Variants in HID1 observed in about 807,000 individuals in gnomAD.
HID1 encodes the protein HID1 domain containing, also known as protein HID1.
HID1 carries 42 observed loss-of-function variants against 89.7 expected under a neutral mutation model. That is an observed-to-expected ratio of 0.47 (90% CI 0.37 to 0.61). The LOEUF is 0.61. HID1 is among the 20% of genes least tolerant of loss of function. The probability of loss-of-function intolerance (pLI) is 0.00; values close to 1 mark genes in which losing one functional copy is unlikely to be tolerated. For missense variants in HID1, 854 were observed against 1,039.3 expected, an observed-to-expected ratio of 0.82 and a Z score of 2.45; for synonymous variants, 442 against 433.8, an observed-to-expected ratio of 1.02 and a Z score of -0.24.
In HID1 at chr17:74,972,492, G is replaced by A. The variant is rs924141819; in HGVS notation, c.66+99C>T. 13 of 1,139,778 alleles carry A rather than the reference G, an allele frequency of 1.1e-5. No individual in the cohort carries two copies. Among genetic ancestry groups the A allele is most frequent in the African/African-American group, 1.6e-5 (1 of 62,454 alleles). 70.6% of individuals were successfully genotyped at this position (1,139,778 alleles called of 1,614,324 possible). ...TTGGCGTTACGCTCGGGGCCCGCCC[G>A]TCCCCCCATCTCCCGACGAGCCAAG... On this transcript the variant is annotated intron_variant, in intron 1 of 18. Transcript: ENST00000425042. This position sits in a 1 kb window ranked among gnomAD's most constrained non-coding sequence, Gnocchi z 6.4.
intron 6 of HID1, among the ~76,000 whole-genome samples, chr17:74,960,671 T>C (rs2039465456): frequency 6.6e-6 from 1 of 152,220 alleles, no homozygotes; most frequent in Non-Finnish European, 1.5e-5. Flanking sequence ...GTTTGCCTGA[T>C]AAGGCTGGTG....
chr17:74,957,233 G>A, intron 12 of HID1, among the ~76,000 whole-genome samples: 1 of 152,100 alleles, frequency 6.6e-6, no homozygotes, highest in South Asian at 2.1e-4. Context: ...CAGCGCTTTG[G>A]GAGGCCAAGG....
At chr17:74,956,122 G>A (rs756049415) in intron 12 of HID1, among the ~76,000 whole-genome samples, 166 bp from the exon 13 acceptor site, 45 of 152,164 alleles carry the variant, frequency 3.0e-4, no homozygotes, top group Non-Finnish European at 5.4e-4. Flanking sequence ...GCCATACTGT[G>A]TGCAGAGTCC....
chr17:74,953,478 T>C (rs992298362), intron 15 of HID1, 67 bp downstream of exon 15: 3 of 1,346,610 alleles, frequency 2.2e-6, no homozygotes, highest in Non-Finnish European at 3.2e-6. Context: ...GCCCAGCCCC[T>C]ACTGCAGAGA....
Position 74,958,921 on chromosome 17 carries a change from T to A in HID1, c.1139A>T (p.Asp380Val). 1 of 1,592,352 alleles carries A rather than the reference T, an allele frequency of 6.3e-7. No homozygotes were observed. Among genetic ancestry groups the A allele is most frequent in the Non-Finnish European group, 8.5e-7 (1 of 1,171,680 alleles). The change falls in exon 9 of 19, where the codon GAC (aspartate) becomes GTC (valine). Residue 380 changes from aspartate (D) to valine (V), a missense_variant. Coordinates refer to ENST00000425042, the MANE Select transcript of HID1 (RefSeq NM_030630.3). This position sits in a 1 kb window ranked among gnomAD's most constrained non-coding sequence, Gnocchi z 5.2. ...TCGAGGCTGGCCCACCTTGTTGAAG[T>A]CGCAGAGCTTCCAGAAGAGAACTAG... is the stretch of plus-strand genomic sequence containing the variant. ...ELLVLFWKLC[D>V]FNKKFLFFVL...
At chr17:74,954,529 G>T in intron 13 of HID1, 164 bp from the exon 14 acceptor site, 1 of 1,250,074 alleles carries the variant, frequency 8.0e-7, no homozygotes, top group Non-Finnish European at 1.1e-6. Flanking sequence ...GGGCAGGGCT[G>T]GCACTGGCTG....
intron 1 of HID1, among the ~76,000 whole-genome samples, chr17:74,971,192 C>G (rs757649913): frequency 2.0e-5 from 3 of 152,182 alleles, no homozygotes; most frequent in Non-Finnish European, 2.9e-5. Flanking sequence ...AATCCTCCAA[C>G]AAGGAGTTTC....
In HID1 at chr17:74,962,224, C is replaced by G; in HGVS notation, c.611+10G>C. 6.3e-7 allele frequency: 1 copy of G among 1,596,188 alleles called. No individual in the cohort carries two copies. Among genetic ancestry groups the G allele is most frequent in the Admixed American group, 1.7e-5 (1 of 59,346 alleles). Reference sequence around the variant, plus strand: ...CTGCATTGAGGGCTCCGGGCCTGGGCGAAGCTCACCGGTTCATATCGTGGA... The same window carrying G: ...CTGCATTGAGGGCTCCGGGCCTGGGGGAAGCTCACCGGTTCATATCGTGGA... On this transcript the variant is annotated intron_variant, in intron 5 of 18. Transcript: ENST00000425042. This position sits in a 1 kb window ranked among gnomAD's most constrained non-coding sequence, Gnocchi z 4.3.
Position 74,962,925 on chromosome 17 carries a change from G to A in HID1, c.504+40C>T, listed in dbSNP as rs752924752. 2.0e-6 allele frequency: 3 copies of A among 1,465,140 alleles called. No individual in the cohort carries two copies. The highest frequency in any genetic ancestry group is 1.4e-5 in the African/African-American group (1 of 71,716). 90.8% of individuals were successfully genotyped at this position (1,465,140 alleles called of 1,614,324 possible). ...GGCCCGGCCCCAACCCAGGACCAGA[G>A]CCTACTCCGCCTGGGGGTGGGGGGC... On this transcript the variant is annotated intron_variant, in intron 4 of 18. Transcript: ENST00000425042. This position sits in a 1 kb window ranked among gnomAD's most constrained non-coding sequence, Gnocchi z 4.3.
At chr17:74,971,643 G>A (rs976093209) in intron 1 of HID1, among the ~76,000 whole-genome samples, 3 of 152,208 alleles carry the variant, frequency 2.0e-5, no homozygotes, top group African/African-American at 7.2e-5. Flanking sequence ...CAGGTCCTGT[G>A]TCCCCTGAAA....
intron 13 of HID1, chr17:74,954,644 AC>A: frequency 1.9e-6 from 1 of 517,130 alleles, no homozygotes; most frequent in South Asian, 2.1e-5. Flanking sequence ...TAAACAGCTA[AC>A]ACCTGGCAAA....
rs780174210 is a variant in HID1 at position 74,952,977 on chromosome 17, C to T, written c.2052+29G>A. On this transcript the variant is annotated intron_variant, in intron 16 of 18. Transcript: ENST00000425042. ...TACCATCTGCCCAAACCCCAGCCCC[C>T]GCTCGCCTGGCACAGGGTCCCTCCT... 30 of 1,558,916 alleles carry T rather than the reference C, an allele frequency of 1.9e-5. No individual in the cohort carries two copies. The South Asian group carries it at 2.6e-4, about 13-fold the overall frequency.
chr17:74,954,609 T>C (rs779410411), intron 13 of HID1: 267 of 632,436 alleles, frequency 4.2e-4, no homozygotes, highest in Non-Finnish European at 6.0e-4. Context: ...CCCAGTGCCT[T>C]TGAGTTCCCG....
rs934451328 is a variant in HID1 at position 74,962,055 on chromosome 17, G to A, written c.612-66C>T. ...CCCTCTTGGAGGTTCTGCCCACCCA[G>A]CCCAGCGCCCCAGCCCAGGTCCATG... On this transcript the variant is annotated intron_variant, in intron 5 of 18. Coordinates refer to ENST00000425042, the MANE Select transcript of HID1 (RefSeq NM_030630.3). The surrounding 1 kb of genome is among the most constrained non-coding windows in gnomAD (Gnocchi z 4.3). The A allele has an allele frequency of 3.1e-6, 4 of 1,285,744 alleles. No homozygotes were observed. In the African/African-American group the frequency reaches 4.5e-5, roughly 14 times the overall value. 79.6% of individuals were successfully genotyped at this position (1,285,744 alleles called of 1,614,324 possible). A position where few individuals can be genotyped will look rare whatever the true frequency, so the allele number is the denominator to read the frequency against.
In HID1 at chr17:74,962,238, T is replaced by C; in HGVS notation, c.607A>G (p.Asn203Asp). The C allele has an allele frequency of 6.2e-7, 1 of 1,606,358 alleles. No individual in the cohort carries two copies. The change falls in exon 5 of 19, where the codon AAC (asparagine) becomes GAC (aspartate). Residue 203 changes from asparagine (N) to aspartate (D), a missense_variant. By Grantham distance (23) the Asn-to-Asp change is conservative (BLOSUM62 1). Coordinates refer to ENST00000425042, the MANE Select transcript of HID1 (RefSeq NM_030630.3). The surrounding 1 kb of genome is among the most constrained non-coding windows in gnomAD (Gnocchi z 4.3). ...CCGGGCCTGGGCGAAGCTCACCGGTTCATATCGTGGATGTAGTTAGGCTGG... is the reference window on the plus strand; with the variant it reads ...CCGGGCCTGGGCGAAGCTCACCGGTCCATATCGTGGATGTAGTTAGGCTGG... ...SPQPNYIHDM[N>D]RMELLKLLLT... is the part of the protein sequence containing the mutation.
At chr17:74,957,955 A>C in intron 12 of HID1, 186 bp downstream of exon 12, 1 of 595,366 alleles carries the variant, frequency 1.7e-6, no homozygotes, top group Non-Finnish European at 3.0e-6. Flanking sequence ...TGAGATGATG[A>C]TAGATAAAAC....
In HID1 at chr17:74,962,121, G is replaced by T. The variant is rs529753679; in HGVS notation, c.611+113C>A. The T allele has an allele frequency of 3.5e-6, 4 of 1,129,504 alleles. No individual in the cohort carries two copies. The highest frequency in any genetic ancestry group is 3.8e-6 in the Non-Finnish European group (3 of 789,716). 70.0% of individuals were successfully genotyped at this position (1,129,504 alleles called of 1,614,324 possible). A position where few individuals can be genotyped will look rare whatever the true frequency, so the allele number is the denominator to read the frequency against. On this transcript the variant is annotated intron_variant, in intron 5 of 18. Coordinates refer to ENST00000425042, the MANE Select transcript of HID1 (RefSeq NM_030630.3). The surrounding 1 kb of genome is among the most constrained non-coding windows in gnomAD (Gnocchi z 4.3). ...CGTTGACCCCTGTAAGGTCAAGGTCGGGTCATAGGTGAGGACGGTCTTCTG... is the reference window on the plus strand; with the variant it reads ...CGTTGACCCCTGTAAGGTCAAGGTCTGGTCATAGGTGAGGACGGTCTTCTG...
Position 74,956,460 on chromosome 17 carries a change from C to A in HID1, c.1472-504G>T, listed in dbSNP as rs549460916. Among the ~76,000 whole-genome samples the A allele has an allele frequency of 4.6e-5, 7 of 152,322 alleles. No homozygotes were observed. In the South Asian group the frequency reaches 1.4e-3, roughly 32 times the overall value. On this transcript the variant is annotated intron_variant, in intron 12 of 18. Coordinates refer to ENST00000425042, the MANE Select transcript of HID1 (RefSeq NM_030630.3). The stretch of plus-strand genomic sequence containing the variant: ...ACCCAGACTGAAGTTCCATGCTGAT[C>A]TGAACACTTCCTTGTCTTGTGTCAT...
At chr17:74,953,907 T>G (rs2144800279) in intron 14 of HID1, among the ~76,000 whole-genome samples, 1 of 143,562 alleles carries the variant, frequency 7.0e-6, no homozygotes, top group Middle Eastern at 3.7e-3. Context: ...CCCATCCCTG[T>G]GCCCATCCCT....
Sources: gnomAD v4.1 joint callset for allele counts (sites outside exome capture counted in the v4.1 genomes callset) on GRCh38, gnomAD v4.1.1 for gene constraint, Gnocchi (gnomAD v3.1) non-coding constraint, MANE v1.5 for transcripts, NCBI Gene and HGNC (gene_info 2026-07-23, HGNC 2026-07-21) for gene names.